AMPH: variants seen among roughly 807,000 people sequenced by gnomAD.
The protein encoded by AMPH is amphiphysin (Stiff-Mann syndrome with breast cancer 128kD autoantigen).
Under a neutral mutation model 99.1 loss-of-function variants are expected in AMPH, and 49 were observed. The ratio of observed to expected loss-of-function variants is 0.49; its 90% confidence interval spans 0.39 to 0.63. AMPH has a LOEUF of 0.63. Among genes scored for constraint, AMPH ranks in the 20% least tolerant of loss-of-function variants. The probability of loss-of-function intolerance (pLI) is 0.00; values close to 1 mark genes in which losing one functional copy is unlikely to be tolerated. For missense variants in AMPH, 759 were observed against 863.4 expected (o/e 0.88, Z 1.52); for synonymous variants, 314 against 317.3 (o/e 0.99, Z 0.11).
chr7:38,516,595 A>T (rs1340425305), intron 2 of AMPH, among the ~76,000 whole-genome samples: 2 of 152,256 alleles, frequency 1.3e-5, no homozygotes, highest in African/African-American at 4.8e-5. Context: ...GGGCAGTGCC[A>T]AGAAGAAATA....
At chr7:38,439,287 G>A (rs996854916) in intron 11 of AMPH, among the ~76,000 whole-genome samples, 9 of 152,156 alleles carry the variant, frequency 5.9e-5, no homozygotes, top group African/African-American at 2.2e-4. Context: ...AATACAACAT[G>A]TGAATATGTA....
intron 2 of AMPH, among the ~76,000 whole-genome samples, chr7:38,530,339 C>T (rs1357051184): frequency 2.0e-5 from 3 of 152,166 alleles, no homozygotes; most frequent in African/African-American, 7.2e-5. Flanking sequence ...TTCAGGGTCC[C>T]AGGGTCTCTT....
At chr7:38,477,221 CAG>C (rs1403080543) in intron 5 of AMPH, among the ~76,000 whole-genome samples, 1 of 151,820 alleles carries the variant, frequency 6.6e-6, no homozygotes, top group African/African-American at 2.4e-5. Context: ...CAGCTGAGGG[CAG>C]AGTTTGCAGT....
In AMPH at chr7:38,432,205, G is replaced by A; in HGVS notation, c.1142C>T (p.Pro381Leu). 6.2e-7 allele frequency: 1 copy of A among 1,612,672 alleles called. No individual in the cohort carries two copies. Among genetic ancestry groups the A allele is most frequent in the African/African-American group, 1.3e-5 (1 of 74,956 alleles). The change falls in exon 13 of 21, where the codon CCC becomes CTC. Residue 381 changes from proline (P) to leucine (L), a missense_variant. Around this residue, in one of 2 missense-constraint regions of AMPH, gnomAD observed 554 missense variants for 575.6 expected, o/e 0.96. Coordinates refer to ENST00000356264, the MANE Select transcript of AMPH (RefSeq NM_001635.4). ...GTGGCTTACCGTCCATAGGTCCCAG[G>A]GCAATGTCTGAAAGCAAATAAACAA... ...VTHSPMSQTLPWDLWTTSTDL... is the reference protein window; with the variant it reads ...VTHSPMSQTLLWDLWTTSTDL...
intron 1 of AMPH, among the ~76,000 whole-genome samples, chr7:38,629,965 G>C (rs1441862496): frequency 6.6e-6 from 1 of 152,126 alleles, no homozygotes; most frequent in Non-Finnish European, 1.5e-5. Flanking sequence ...TGTGGAGGGA[G>C]GGACTAGAGG....
At chr7:38,443,214 T>C (rs76722509) in intron 11 of AMPH, among the ~76,000 whole-genome samples, 57 of 152,130 alleles carry the variant, frequency 3.7e-4, no homozygotes, top group South Asian at 1.2e-3. Context: ...ATATCTATTA[T>C]ATAGAAATAT....
intron 17 of AMPH, among the ~76,000 whole-genome samples, chr7:38,402,630 G>C (rs1277697034): frequency 1.3e-5 from 2 of 152,196 alleles, no homozygotes; most frequent in African/African-American, 4.8e-5. Context: ...ATACTTCTGT[G>C]AGAGTAGCAG....
intron 1 of AMPH, among the ~76,000 whole-genome samples, chr7:38,603,579 T>C (rs1052834899): frequency 7.9e-5 from 12 of 152,180 alleles, no homozygotes; most frequent in African/African-American, 2.7e-4. Flanking sequence ...CATGCTTCCA[T>C]GGTGGCTTAA....
intron 1 of AMPH, among the ~76,000 whole-genome samples, chr7:38,565,898 C>T (rs1205085865): frequency 2.6e-5 from 4 of 152,146 alleles, no homozygotes; most frequent in Non-Finnish European, 5.9e-5. Flanking sequence ...AGAGAAAATG[C>T]TACTAGGCTA....
At chr7:38,525,668 C>T (rs1422308964) in intron 2 of AMPH, among the ~76,000 whole-genome samples, 2 of 151,998 alleles carry the variant, frequency 1.3e-5, no homozygotes, top group African/African-American at 2.4e-5. Flanking sequence ...TCTGTCATGC[C>T]GAAAGAGTCA....
At chr7:38,576,243 A>C (rs577999362) in intron 1 of AMPH, among the ~76,000 whole-genome samples, 1 of 152,378 alleles carries the variant, frequency 6.6e-6, no homozygotes, top group Non-Finnish European at 1.5e-5. Context: ...ATTAAAAAAC[A>C]AATAAATGAA....
chr7:38,531,876 T>C (rs1584213171), intron 2 of AMPH, among the ~76,000 whole-genome samples: 1 of 152,206 alleles, frequency 6.6e-6, no homozygotes, highest in Admixed American at 6.5e-5. Flanking sequence ...CTTTAGAGTA[T>C]GTAGCCTTTA....
intron 10 of AMPH, among the ~76,000 whole-genome samples, chr7:38,462,087 G>C (rs1181976504): frequency 6.6e-6 from 1 of 152,188 alleles, no homozygotes; most frequent in Non-Finnish European, 1.5e-5. Flanking sequence ...GTGATCACGA[G>C]GGTAAATGAC....
chr7:38,575,671 C>T (rs1212500882), intron 1 of AMPH, among the ~76,000 whole-genome samples: 3 of 152,186 alleles, frequency 2.0e-5, no homozygotes, highest in Non-Finnish European at 2.9e-5. Flanking sequence ...CCTGAGGCCT[C>T]CCCAGCCATG....
At chr7:38,406,372 G>T (rs1024568204) in intron 17 of AMPH, among the ~76,000 whole-genome samples, 2 of 151,508 alleles carry the variant, frequency 1.3e-5, no homozygotes, top group Admixed American at 1.3e-4. Context: ...AGATCAGAGC[G>T]GAACTAAATG....
chr7:38,431,251 A>C (rs1027824377), intron 13 of AMPH, among the ~76,000 whole-genome samples: 1 of 152,210 alleles, frequency 6.6e-6, no homozygotes, highest in Non-Finnish European at 1.5e-5. Context: ...TACACACCAG[A>C]CACCATGCTA....
At chr7:38,418,707 G>A (rs1355151637) in intron 16 of AMPH, among the ~76,000 whole-genome samples, 2 of 151,998 alleles carry the variant, frequency 1.3e-5, no homozygotes, top group African/African-American at 4.8e-5. Context: ...TCATATAATA[G>A]TTGTTTAAAG....
chr7:38,606,522 T>G (rs1793438275), intron 1 of AMPH, among the ~76,000 whole-genome samples: 1 of 152,088 alleles, frequency 6.6e-6, no homozygotes, highest in Non-Finnish European at 1.5e-5. Flanking sequence ...TTAGCATGTT[T>G]TCTACATTCA....
chr7:38,556,916 T>C (rs1232828728), intron 1 of AMPH, among the ~76,000 whole-genome samples: 6 of 152,154 alleles, frequency 3.9e-5, no homozygotes, highest in African/African-American at 9.7e-5. Context: ...TGGGCGTACA[T>C]ATGCTTAAGC....
Sources: gnomAD v4.1 joint callset for allele counts (sites outside exome capture counted in the v4.1 genomes callset) on GRCh38, gnomAD v4.1.1 for gene constraint, gnomAD v4.1.1 regional missense constraint, MANE v1.5 for transcripts, NCBI Gene and HGNC (gene_info 2026-07-23, HGNC 2026-07-21) for gene names.